Variants in SMC6 observed in about 807,000 individuals in gnomAD.
The protein encoded by SMC6 is structural maintenance of chromosomes 6, also known as structural maintenance of chromosomes protein 6.
A neutral mutation model predicts 142.2 loss-of-function variants in SMC6; 79 were observed. The observed-to-expected ratio is 0.56, with a 90% CI of 0.46 to 0.67. SMC6 has a LOEUF of 0.67. Ranked by LOEUF, SMC6 falls within the 30% of genes least tolerant of loss-of-function variation. SMC6 has a pLI of 0.00. For synonymous variants in SMC6, 411 were observed against 412.4 expected, an observed-to-expected ratio of 1.00 and a Z score of 0.04; for missense variants, 1,072 against 1,284.0, an observed-to-expected ratio of 0.83 and a Z score of 2.52.
chr2:17,672,538 C>G (rs954563932), intron 25 of SMC6, among the ~76,000 whole-genome samples: 24 of 152,130 alleles, frequency 1.6e-4, no homozygotes, highest in African/African-American at 5.8e-4. Flanking sequence ...GATCAAGACA[C>G]AAGAATATCC....
intron 25 of SMC6, among the ~76,000 whole-genome samples, chr2:17,674,539 A>G (rs975028837): frequency 6.6e-6 from 1 of 152,178 alleles, no homozygotes; most frequent in African/African-American, 2.4e-5. Context: ...AATGTTCTAT[A>G]GTTCTGCCAA....
intron 7 of SMC6, among the ~76,000 whole-genome samples, chr2:17,728,973 C>T (rs1669770391): frequency 1.3e-5 from 2 of 152,106 alleles, no homozygotes; most frequent in Non-Finnish European, 1.5e-5. Flanking sequence ...TGGTCTTGAA[C>T]TCCTGACCTC....
chr2:17,743,932 A>C (rs1670605155), intron 3 of SMC6, among the ~76,000 whole-genome samples: 1 of 152,216 alleles, frequency 6.6e-6, no homozygotes, highest in Non-Finnish European at 1.5e-5. Context: ...CTTAATACTA[A>C]TAGTGCATCG....
chr2:17,707,921 T>G (rs1668627817), intron 17 of SMC6, among the ~76,000 whole-genome samples: 1 of 151,940 alleles, frequency 6.6e-6, no homozygotes, highest in Non-Finnish European at 1.5e-5. Flanking sequence ...TTCATTATTT[T>G]TTTTCAAGTA....
intron 2 of SMC6, among the ~76,000 whole-genome samples, chr2:17,752,562 G>A (rs1351713834): frequency 6.6e-6 from 1 of 152,118 alleles, no homozygotes; most frequent in East Asian, 1.9e-4. Context: ...CACGCTTTTA[G>A]GCAATATACT....
chr2:17,732,683 A>AGAGAGACTCGGTCTC (rs906061946), intron 5 of SMC6, among the ~76,000 whole-genome samples: 4 of 149,048 alleles, frequency 2.7e-5, no homozygotes, highest in African/African-American at 1.0e-4. Context: ...TGGGCGACAG[A>AGAGAGACTCGGTCTC]GAGAGACTCG....
At chr2:17,702,548 G>A (rs1313779401) in intron 19 of SMC6, among the ~76,000 whole-genome samples, 1 of 151,934 alleles carries the variant, frequency 6.6e-6, no homozygotes, top group African/African-American at 2.4e-5. Context: ...AAATATTTCT[G>A]TTAACTAAGT....
At chr2:17,681,950 A>G (rs1189539496) in intron 24 of SMC6, 2 of 152,204 alleles carry the variant, frequency 1.3e-5, no homozygotes, top group Non-Finnish European at 2.9e-5. Context: ...GAACTGCAGT[A>G]AAATGAGGTA....
chr2:17,702,639 C>T (rs1166691788), intron 19 of SMC6, among the ~76,000 whole-genome samples: 1 of 152,094 alleles, frequency 6.6e-6, no homozygotes, highest in Admixed American at 6.6e-5. Flanking sequence ...TTCCCATAAT[C>T]CCATGTGTTG....
chr2:17,714,247 G>A (rs924278684), intron 16 of SMC6, among the ~76,000 whole-genome samples: 6 of 151,704 alleles, frequency 4.0e-5, no homozygotes, highest in African/African-American at 7.3e-5. Flanking sequence ...AGGCACACAC[G>A]ACCAAGCCTG....
At chr2:17,680,918 C>CT (rs1400025952) in intron 24 of SMC6, 1 of 152,198 alleles carries the variant, frequency 6.6e-6, no homozygotes, top group African/African-American at 2.4e-5. Flanking sequence ...TTGGCCTGTC[C>CT]TACAAAGCCA....
chr2:17,715,134 T>C (rs1292551111), intron 15 of SMC6, 69 bp from the exon 16 acceptor site: 3 of 1,394,664 alleles, frequency 2.2e-6, no homozygotes, highest in Admixed American at 4.1e-5. Flanking sequence ...TCCTCCTCTT[T>C]AATTATAGCA....
At chr2:17,676,846 A>C (rs1667013242) in intron 25 of SMC6, among the ~76,000 whole-genome samples, 1 of 152,096 alleles carries the variant, frequency 6.6e-6, no homozygotes, top group Non-Finnish European at 1.5e-5. Context: ...ATTTCTAATC[A>C]TTTGGTGCAA....
At chr2:17,679,439 G>C (rs1667142416) in intron 24 of SMC6, 1 of 152,548 alleles carries the variant, frequency 6.6e-6, no homozygotes, top group Non-Finnish European at 1.5e-5. Context: ...CTTAAGCACT[G>C]GGTACCTCTA....
At chr2:17,753,559 A>T (rs1671208136) in intron 1 of SMC6, 67 bp downstream of exon 1, 1 of 152,238 alleles carries the variant, frequency 6.6e-6, no homozygotes, top group African/African-American at 2.4e-5. Flanking sequence ...GTCGCCAGCC[A>T]AGGGGGCAGC....
intron 3 of SMC6, among the ~76,000 whole-genome samples, chr2:17,744,580 T>A (rs968339947): frequency 3.3e-5 from 5 of 152,166 alleles, no homozygotes; most frequent in Non-Finnish European, 7.4e-5. Context: ...TCTGTTTCCT[T>A]GATTTATTTG....
intron 5 of SMC6, among the ~76,000 whole-genome samples, chr2:17,733,657 T>C (rs10187933): frequency 0.023 from 3,556 of 152,312 alleles, 152 homozygotes; most frequent in African/African-American, 0.082. Context: ...TGGTGAATCC[T>C]GGGAGCTACA....
At chr2:17,680,188 C>G (rs1667177553) in intron 24 of SMC6, 1 of 152,172 alleles carries the variant, frequency 6.6e-6, no homozygotes, top group Non-Finnish European at 1.5e-5. Context: ...GTCATTTTTA[C>G]TCCCCTTCTA....
intron 3 of SMC6, among the ~76,000 whole-genome samples, chr2:17,742,134 G>C (rs1207613894): frequency 1.3e-5 from 2 of 152,098 alleles, no homozygotes; most frequent in Non-Finnish European, 2.9e-5. Context: ...AATGTCCCTG[G>C]GGGGCGCAAA....
Sources: gnomAD v4.1 joint callset for allele counts (sites outside exome capture counted in the v4.1 genomes callset) on GRCh38, gnomAD v4.1.1 for gene constraint, MANE v1.5 for transcripts, NCBI Gene and HGNC (gene_info 2026-07-23, HGNC 2026-07-21) for gene names.